The following RNF111 variants were observed in gnomAD, a reference collection of about 807,000 sequenced individuals.
RNF111 encodes E3 ubiquitin-protein ligase Arkadia.
RNF111 carries 17 observed loss-of-function variants against 95.1 expected under a neutral mutation model. The observed-to-expected ratio is 0.18, with a 90% CI of 0.12 to 0.27. The LOEUF (loss-of-function observed/expected upper bound fraction) is 0.27, where lower values mean the gene tolerates loss of function less well. Ranked by LOEUF, RNF111 falls within the 10% of genes least tolerant of loss-of-function variation. RNF111 has a pLI of 1.00. For missense variants in RNF111, 1,189 were observed against 1,210.4 expected (o/e 0.98, Z 0.26); for synonymous variants, 440 against 414.8 (o/e 1.06, Z -0.74).
At chr15:59,006,843 A>G (rs1485101445) in intron 1 of RNF111, among the ~76,000 whole-genome samples, 14 of 152,054 alleles carry the variant, frequency 9.2e-5, no homozygotes, top group Non-Finnish European at 1.3e-4. Context: ...CTGGAGTGCA[A>G]TGGCATGATC....
chr15:59,008,877 T>C (rs2039661948), intron 1 of RNF111, among the ~76,000 whole-genome samples: 1 of 152,224 alleles, frequency 6.6e-6, no homozygotes, highest in Non-Finnish European at 1.5e-5. Flanking sequence ...CGGTTGTATG[T>C]ATAATATGAG....
chr15:59,058,360 T>C lies in RNF111; in HGVS notation c.1176T>C (p.Pro392=). Residue 392 remains proline (P), a synonymous_variant, in exon 5 of 14, where the codon CCT becomes CCC. Coordinates refer to ENST00000348370, the MANE Select transcript of RNF111 (RefSeq NM_017610.8). ...VVDLTVDEDE[P]TVVPTTSARM... The stretch of plus-strand genomic sequence containing the variant: ...TTGACATTTTGTATTTTGTAGAACC[T>C]ACTGTAGTACCAACCACTTCTGCAA... The C allele has an allele frequency of 6.2e-7, 1 of 1,613,768 alleles. No individual in the cohort carries two copies. The highest frequency in any genetic ancestry group is 1.1e-5 in the South Asian group (1 of 91,078).
intron 2 of RNF111, among the ~76,000 whole-genome samples, chr15:59,043,050 CAG>C (rs1322556143): frequency 6.6e-6 from 1 of 151,992 alleles, no homozygotes; most frequent in African/African-American, 2.4e-5. Context: ...TTGTATCTTG[CAG>C]AGAGCGTTTT....
At position 59,067,051 on chromosome 15, in the gene RNF111, A is replaced by G; in HGVS notation, c.1654A>G (p.Asn552Asp). ...PPQVQAPCGA[N>D]SSSGTSYHEQ... is the part of the protein sequence containing the mutation. ...ACAAGTACAAGCACCTTGTGGAGCA[A>G]ATAGTAGTTCTGGTACCAGCTATCA... Residue 552 changes from asparagine (N) to aspartate (D), a missense_variant, in exon 6 of 14, where the codon AAT becomes GAT. Asn to Asp is a conservative substitution (Grantham distance 23). This residue lies in a region of RNF111 where 1,024 missense variants were observed against 925.9 expected (regional missense o/e 1.11). Transcript: ENST00000348370. 6.2e-7 allele frequency: 1 copy of G among 1,614,006 alleles called. No individual in the cohort carries two copies. The highest frequency in any genetic ancestry group is 8.5e-7 in the Non-Finnish European group (1 of 1,179,980).
At chr15:59,008,946 A>G (rs1327937504) in intron 1 of RNF111, among the ~76,000 whole-genome samples, 1 of 151,676 alleles carries the variant, frequency 6.6e-6, no homozygotes, top group East Asian at 1.9e-4. Context: ...TAATATTGTC[A>G]CGTATTTTAT....
intron 12 of RNF111, 123 bp from the exon 13 acceptor site, chr15:59,092,414 G>GA: frequency 2.9e-6 from 3 of 1,029,264 alleles, no homozygotes; most frequent in South Asian, 2.5e-5. Flanking sequence ...TCTTACCTGG[G>GA]AAAAAAGTGC....
At chr15:59,025,799 C>T (rs923449448) in intron 1 of RNF111, among the ~76,000 whole-genome samples, 7 of 151,718 alleles carry the variant, frequency 4.6e-5, no homozygotes, top group East Asian at 3.9e-4. Context: ...GGCGCGATCT[C>T]GGCTCACCGC....
chr15:59,014,302 A>G (rs1420534473), intron 1 of RNF111, among the ~76,000 whole-genome samples: 1 of 152,198 alleles, frequency 6.6e-6, no homozygotes, highest in Non-Finnish European at 1.5e-5. Flanking sequence ...TGTTTTGCCA[A>G]GAAACCTTTG....
At chr15:59,088,661 T>G (rs1025197755) in intron 10 of RNF111, among the ~76,000 whole-genome samples, 31 of 152,318 alleles carry the variant, frequency 2.0e-4, no homozygotes, top group Non-Finnish European at 1.0e-4. Context: ...GCAGTTATGA[T>G]CTATACAGTT....
chr15:59,001,134 G>A lies in RNF111; in HGVS notation c.-20+13066G>A, dbSNP rs140836718. On this transcript the variant is annotated intron_variant, in intron 1 of 13. Coordinates refer to ENST00000348370, the MANE Select transcript of RNF111 (RefSeq NM_017610.8). ...GAATGAGTGAGCCTCGTGGTTATCT[G>A]GGGGAAGAGCATTCAAGGCAGCGTG... Among the ~76,000 whole-genome samples, 371 of 152,278 alleles carry A rather than the reference G, an allele frequency of 2.4e-3. 1 individual carries two copies. Among genetic ancestry groups the A allele is most frequent in the Non-Finnish European group, 4.8e-3 (325 of 68,018 alleles).
In RNF111 at chr15:59,031,505, A is replaced by G. The variant is rs746504764; in HGVS notation, c.683A>G (p.Gln228Arg). Residue 228 changes from glutamine to arginine, a missense_variant, in exon 2 of 14, where the codon CAA becomes CGA. Gln to Arg is a conservative substitution (Grantham distance 43). Around this residue, in one of 2 missense-constraint regions of RNF111, gnomAD observed 1,024 missense variants for 925.9 expected, o/e 1.11. Transcript: ENST00000348370. ...AATTCCTCACAGAGGACACAGAAAC[A>G]AAAAGAGAGGATATTAATGCAGAGG... is the stretch of plus-strand genomic sequence containing the variant. ...KNNSSQRTQKQKERILMQRKK... is the reference protein window; with the variant it reads ...KNNSSQRTQKRKERILMQRKK... The G allele has an allele frequency of 6.2e-7, 1 of 1,614,174 alleles. No homozygotes were observed. Among genetic ancestry groups the G allele is most frequent in the African/African-American group, 1.3e-5 (1 of 75,060 alleles).
At chr15:59,086,498 G>A (rs1159456932) in intron 10 of RNF111, among the ~76,000 whole-genome samples, 1 of 152,186 alleles carries the variant, frequency 6.6e-6, no homozygotes, top group Non-Finnish European at 1.5e-5. Flanking sequence ...AAGTGCTAAA[G>A]GACAAGTTCA....
chr15:59,067,122 C>T, intron 6 of RNF111, 39 bp downstream of exon 6: 1 of 1,510,056 alleles, frequency 6.6e-7, no homozygotes, highest in Non-Finnish European at 9.1e-7. Flanking sequence ...TCCTGCCCCT[C>T]TTGTCTCTCT....
chr15:59,085,688 C>T lies in RNF111; in HGVS notation c.2453C>T (p.Ala818Val). 2 of 1,613,458 alleles carry T rather than the reference C, an allele frequency of 1.2e-6. No individual in the cohort carries two copies. The highest frequency in any genetic ancestry group is 1.7e-6 in the Non-Finnish European group (2 of 1,179,586). The change falls in exon 10 of 14, where the codon GCA becomes GTA. Residue 818 changes from alanine to valine, a missense_variant. Transcript: ENST00000348370. ...CTGGGAATTGAAGCTGGAGTGACTG[C>T]AGCTACTTATACACCTGGTGCATTG... is the stretch of plus-strand genomic sequence containing the variant. The part of the protein sequence containing the change: ...WELGIEAGVT[A>V]ATYTPGALHP...
chr15:59,008,714 C>T (rs2039653637), intron 1 of RNF111, among the ~76,000 whole-genome samples: 1 of 152,142 alleles, frequency 6.6e-6, no homozygotes, highest in Non-Finnish European at 1.5e-5. Flanking sequence ...TGTCCCTTTT[C>T]TCTTTTCCTG....
At chr15:59,072,826 TTTTG>T (rs561856564) in intron 6 of RNF111, among the ~76,000 whole-genome samples, 3 of 151,772 alleles carry the variant, frequency 2.0e-5, no homozygotes, top group Non-Finnish European at 2.9e-5. Context: ...TGCTGCAGTT[TTTTG>T]TTTGTTTGTT....
intron 2 of RNF111, among the ~76,000 whole-genome samples, chr15:59,051,613 T>TA (rs1462768985): frequency 6.6e-6 from 1 of 151,094 alleles, no homozygotes; most frequent in East Asian, 2.0e-4. Flanking sequence ...CCATCTCTAC[T>TA]AAAAAATTAG....
chr15:59,012,214 T>C (rs2039857564), intron 1 of RNF111, among the ~76,000 whole-genome samples: 1 of 152,020 alleles, frequency 6.6e-6, no homozygotes, highest in South Asian at 2.1e-4. Context: ...AGACACAGTT[T>C]CACTGTGTTG....
At chr15:59,084,860 G>C (rs1285685717) in intron 9 of RNF111, among the ~76,000 whole-genome samples, 1 of 152,002 alleles carries the variant, frequency 6.6e-6, no homozygotes, top group Non-Finnish European at 1.5e-5. Flanking sequence ...GTAAGTAAGA[G>C]GCGTGGACCT....
Sources: allele counts gnomAD v4.1 joint callset (sites outside exome capture counted in the v4.1 genomes callset), GRCh38; gene constraint gnomAD v4.1.1; regional missense constraint gnomAD v4.1.1; transcripts MANE v1.5; gene names NCBI Gene and HGNC (gene_info 2026-07-23, HGNC 2026-07-21).